The following TENM3 variants were observed in gnomAD, a reference collection of about 807,000 sequenced individuals.
The protein encoded by TENM3 is teneurin-3.
A neutral mutation model predicts 255.1 loss-of-function variants in TENM3; 63 were observed. That is an observed-to-expected ratio of 0.25 (90% CI 0.20 to 0.30). The LOEUF is 0.30. Among genes scored for constraint, TENM3 ranks in the 10% least tolerant of loss-of-function variants. The probability of loss-of-function intolerance (pLI) is 1.00; values close to 1 mark genes in which losing one functional copy is unlikely to be tolerated. For missense variants in TENM3, 2,929 were observed against 3,461.1 expected (o/e 0.85, Z 3.86); for synonymous variants, 1,306 against 1,322.3 (o/e 0.99, Z 0.27).
the TENM3 span, among the ~76,000 whole-genome samples, chr4:181,995,265 G>A: frequency 6.6e-6 from 1 of 151,910 alleles, no homozygotes; most frequent in South Asian, 2.1e-4. Context: ...ACTCCAGCCT[G>A]GGTGACAGAG....
the TENM3 span, among the ~76,000 whole-genome samples, chr4:182,120,239 C>T: frequency 6.6e-6 from 1 of 152,130 alleles, no homozygotes; most frequent in African/African-American, 2.4e-5. Flanking sequence ...CAACTGCCTA[C>T]AGTACTTAGT....
intron 3 of TENM3, among the ~76,000 whole-genome samples, chr4:182,553,474 A>G (rs1038770827): frequency 4.6e-5 from 7 of 151,980 alleles, no homozygotes; most frequent in Non-Finnish European, 1.0e-4. Context: ...GCACATGTAT[A>G]CATATGTAAC....
chr4:182,055,678 G>A, the TENM3 span, among the ~76,000 whole-genome samples: 3 of 152,034 alleles, frequency 2.0e-5, no homozygotes, highest in African/African-American at 7.2e-5. Context: ...AGGACACTGG[G>A]CCATCTTGTA....
At chr4:182,347,649 T>A (rs750646569) in intron 3 of TENM3, among the ~76,000 whole-genome samples, 2 of 152,096 alleles carry the variant, frequency 1.3e-5, no homozygotes, top group South Asian at 4.2e-4. Context: ...TTTTTCCTAT[T>A]GCCAATGCGG....
At chr4:181,661,328 C>A in the TENM3 span, among the ~76,000 whole-genome samples, 114,652 of 152,054 alleles carry the variant, frequency 0.75, 43,544 homozygotes, top group Admixed American at 0.83. Context: ...GCTAGTGGAC[C>A]TGCACTTTCA....
At chr4:182,178,055 T>G (rs556037896) in intron 1 of TENM3, among the ~76,000 whole-genome samples, 1 of 151,246 alleles carries the variant, frequency 6.6e-6, no homozygotes, top group East Asian at 1.9e-4. Flanking sequence ...CCTAATAGAT[T>G]ATCAGCAACC....
chr4:182,568,640 G>A (rs1470238682), intron 3 of TENM3, among the ~76,000 whole-genome samples: 1 of 152,048 alleles, frequency 6.6e-6, no homozygotes, highest in Non-Finnish European at 1.5e-5. Flanking sequence ...GCCAGTAATT[G>A]TACTCTTCAA....
the TENM3 span, among the ~76,000 whole-genome samples, chr4:181,748,587 G>A: frequency 5.3e-5 from 8 of 152,168 alleles, no homozygotes; most frequent in East Asian, 1.5e-3. Context: ...GTAGCCAGAA[G>A]GCGAGTAAAG....
chr4:182,514,086 C>T (rs1220881348), intron 3 of TENM3, among the ~76,000 whole-genome samples: 2 of 152,240 alleles, frequency 1.3e-5, no homozygotes, highest in African/African-American at 4.8e-5. Flanking sequence ...GGCATGCCCC[C>T]TCCTCTTGGG....
At chr4:181,934,933 A>G in the TENM3 span, among the ~76,000 whole-genome samples, 1 of 152,174 alleles carries the variant, frequency 6.6e-6, no homozygotes, top group Non-Finnish European at 1.5e-5. Context: ...TGTCTATTTA[A>G]TTTGCTTAAA....
At chr4:181,796,112 G>A in the TENM3 span, among the ~76,000 whole-genome samples, 1 of 152,226 alleles carries the variant, frequency 6.6e-6, no homozygotes. Context: ...GTAATGGGCT[G>A]CAGCTGCCAG....
intron 3 of TENM3, among the ~76,000 whole-genome samples, chr4:182,552,127 T>C (rs1742102533): frequency 6.6e-6 from 1 of 152,038 alleles, no homozygotes; most frequent in African/African-American, 2.4e-5. Context: ...TTAGCTTTTT[T>C]CTCCTTTCTT....
the TENM3 span, among the ~76,000 whole-genome samples, chr4:181,748,795 A>G: frequency 2.0e-5 from 3 of 152,102 alleles, no homozygotes; most frequent in Non-Finnish European, 4.4e-5. Context: ...ATTATGGAGT[A>G]ATAATTCTTG....
At chr4:182,232,255 G>T (rs1164260435) in intron 1 of TENM3, among the ~76,000 whole-genome samples, 1 of 152,158 alleles carries the variant, frequency 6.6e-6, no homozygotes, top group East Asian at 1.9e-4. Flanking sequence ...CACCGTGTTG[G>T]TCCTGGAAAG....
At chr4:181,957,105 A>G in the TENM3 span, among the ~76,000 whole-genome samples, 33 of 152,324 alleles carry the variant, frequency 2.2e-4, no homozygotes, top group African/African-American at 6.7e-4. Context: ...CTGACACGGC[A>G]GGATTCGATG....
the TENM3 span, among the ~76,000 whole-genome samples, chr4:181,620,739 G>T: frequency 1.3e-5 from 2 of 151,740 alleles, no homozygotes; most frequent in Non-Finnish European, 2.9e-5. Context: ...TTCATTATTT[G>T]TTAAGTAGAA....
chr4:181,543,206 C>T, the TENM3 span, among the ~76,000 whole-genome samples: 1 of 152,146 alleles, frequency 6.6e-6, no homozygotes, highest in Non-Finnish European at 1.5e-5. Flanking sequence ...CCAGAAATTC[C>T]TTCAAACGTG....
At chr4:181,568,628 C>T in the TENM3 span, among the ~76,000 whole-genome samples, 62 of 152,280 alleles carry the variant, frequency 4.1e-4, no homozygotes, top group African/African-American at 1.4e-3. Flanking sequence ...CCTTTATTCC[C>T]CCTGGAACTG....
the TENM3 span, among the ~76,000 whole-genome samples, chr4:181,852,728 G>A: frequency 6.6e-6 from 1 of 152,254 alleles, no homozygotes; most frequent in East Asian, 1.9e-4. Context: ...TATACACCAG[G>A]CAAGCATTAC....
Sources: allele counts gnomAD v4.1 joint callset (sites outside exome capture counted in the v4.1 genomes callset), GRCh38; gene constraint gnomAD v4.1.1; transcripts MANE v1.5; gene names NCBI Gene and HGNC (gene_info 2026-07-23, HGNC 2026-07-21).